The following SLIT3 variants were observed in gnomAD, a reference collection of about 807,000 sequenced individuals.
The protein encoded by SLIT3 is slit guidance ligand 3, also known as slit homolog 3 protein.
SLIT3 carries 68 observed loss-of-function variants against 184.0 expected under a neutral mutation model. The ratio of observed to expected loss-of-function variants is 0.37; its 90% CI spans 0.30 to 0.45. SLIT3 has a LOEUF of 0.45. Among genes scored for constraint, SLIT3 ranks in the 20% least tolerant of loss-of-function variants. The probability of loss-of-function intolerance (pLI) is 1.00; values close to 1 mark genes in which losing one functional copy is unlikely to be tolerated. For missense variants in SLIT3, 1,707 were observed against 2,026.0 expected (o/e 0.84, Z 3.02); for synonymous variants, 831 against 828.6 (o/e 1.00, Z -0.05).
chr5:168,746,613 GTGTAGTAT>G (rs1171963547), intron 20 of SLIT3, among the ~76,000 whole-genome samples: 1 of 116,588 alleles, frequency 8.6e-6, no homozygotes, highest in Non-Finnish European at 1.8e-5. Context: ...TGGGTGTGGT[GTGTAGTAT>G]GGTGGTGTGG....
At chr5:168,840,237 G>T (rs905492099) in intron 6 of SLIT3, among the ~76,000 whole-genome samples, 3 of 152,174 alleles carry the variant, frequency 2.0e-5, no homozygotes, top group African/African-American at 7.2e-5. Flanking sequence ...TTTTCAGGAT[G>T]TGTTTCTGTT....
intron 22 of SLIT3, 105 bp downstream of exon 22, chr5:168,722,828 G>T: frequency 1.2e-6 from 1 of 859,658 alleles, no homozygotes; most frequent in Non-Finnish European, 2.0e-6. Flanking sequence ...ATAGGCCTGA[G>T]GGTCATTAGG....
chr5:168,755,430 T>TC (rs1754897100), intron 16 of SLIT3, among the ~76,000 whole-genome samples: 5 of 118,040 alleles, frequency 4.2e-5, no homozygotes, highest in Non-Finnish European at 9.5e-5. Context: ...TCTTTCTTTC[T>TC]TTCTTTCTTT....
intron 12 of SLIT3, among the ~76,000 whole-genome samples, chr5:168,775,530 C>T (rs1281904728): frequency 6.8e-6 from 1 of 147,542 alleles, no homozygotes; most frequent in Non-Finnish European, 1.5e-5. Context: ...TCTCTCACAC[C>T]CCCGTTTATT....
At chr5:169,023,687 C>G (rs1008493335) in intron 4 of SLIT3, 1 of 152,068 alleles carries the variant, frequency 6.6e-6, no homozygotes, top group African/African-American at 2.4e-5. Flanking sequence ...CTCCTAGGCT[C>G]CCCCACCTAC....
At chr5:169,137,137 C>G (rs960729162) in intron 4 of SLIT3, among the ~76,000 whole-genome samples, 3 of 152,070 alleles carry the variant, frequency 2.0e-5, no homozygotes, top group African/African-American at 7.2e-5. Flanking sequence ...GTGGAAGACT[C>G]CTTAGATTCA....
rs1765456248 is a variant in SLIT3 at position 169,242,999 on chromosome 5, C to A, written c.341+1706G>T. On this transcript the variant is annotated intron_variant, in intron 3 of 35. Coordinates refer to ENST00000519560, the MANE Select transcript of SLIT3 (RefSeq NM_003062.4). ...TATGAAAGAACATCATCTTTCATGT[C>A]AGACAGAAGTGGCTTTGAATCTTGG... Among the ~76,000 whole-genome samples the A allele has an allele frequency of 2.6e-5, 4 of 152,090 alleles. No homozygotes were observed. The South Asian group carries it at 8.3e-4, about 32-fold the overall frequency.
At chr5:169,160,324 C>T (rs4868327) in intron 4 of SLIT3, among the ~76,000 whole-genome samples, 3,854 of 152,318 alleles carry the variant, frequency 0.025, 216 homozygotes, top group East Asian at 0.23. Context: ...ACACATCTCA[C>T]CTGCCCAGTG....
At chr5:168,700,865 G>C (rs6886486) in intron 26 of SLIT3, among the ~76,000 whole-genome samples, 186 bp from the exon 27 acceptor site, 63,317 of 152,070 alleles carry the variant, frequency 0.42, 13,233 homozygotes, top group East Asian at 0.51. Flanking sequence ...CTAGTCACTG[G>C]ACAGTAAGAA....
intron 4 of SLIT3, among the ~76,000 whole-genome samples, chr5:168,942,126 CA>C (rs1179169933): frequency 6.6e-6 from 1 of 152,166 alleles, no homozygotes. Flanking sequence ...GTGACTTGTT[CA>C]GGGATGGGCA....
At chr5:169,293,370 C>A (rs1479576338) in intron 1 of SLIT3, among the ~76,000 whole-genome samples, 1 of 152,074 alleles carries the variant, frequency 6.6e-6, no homozygotes, top group Non-Finnish European at 1.5e-5. Context: ...CCACCTTCCC[C>A]TAAATCATGC....
chr5:168,970,531 AAAC>A (rs1754538089), intron 4 of SLIT3, among the ~76,000 whole-genome samples: 1 of 152,268 alleles, frequency 6.6e-6, no homozygotes, highest in East Asian at 1.9e-4. Flanking sequence ...ACAAAACAAA[AAAC>A]AAACAGCTCC....
At chr5:169,245,006 C>G (rs1346842943) in intron 2 of SLIT3, among the ~76,000 whole-genome samples, 1 of 152,202 alleles carries the variant, frequency 6.6e-6, no homozygotes, top group Non-Finnish European at 1.5e-5. Context: ...TTCCATGCCT[C>G]TATTTTAAGA....
intron 27 of SLIT3, among the ~76,000 whole-genome samples, chr5:168,698,362 G>A (rs757806639): frequency 2.0e-5 from 3 of 152,244 alleles, no homozygotes; most frequent in Non-Finnish European, 4.4e-5. Flanking sequence ...AATATAACAG[G>A]TGTCTCTAAA....
chr5:168,680,867 C>T (rs912762666), intron 32 of SLIT3, among the ~76,000 whole-genome samples: 4 of 152,186 alleles, frequency 2.6e-5, no homozygotes, highest in South Asian at 2.1e-4. Flanking sequence ...AATATTTGCT[C>T]CTGGTGGGCA....
chr5:169,180,520 C>A (rs1476484735), intron 4 of SLIT3, among the ~76,000 whole-genome samples: 1 of 152,158 alleles, frequency 6.6e-6, no homozygotes, highest in East Asian at 1.9e-4. Context: ...TGAAATCCAG[C>A]CAGAAGGACT....
chr5:169,243,989 C>T lies in SLIT3; in HGVS notation c.341+716G>A, dbSNP rs571676553. ...AACAGAAGAAAGGTGAAGTTGCCTA[C>T]TTAACCATCTGAGCAGCTCTCCTCA... On this transcript the variant is annotated intron_variant, in intron 3 of 35. Coordinates refer to ENST00000519560, the MANE Select transcript of SLIT3 (RefSeq NM_003062.4). 1.2e-4 allele frequency among the ~76,000 whole-genome samples: 18 copies of T among 152,372 alleles called. No homozygotes were observed. In the South Asian group the frequency reaches 2.7e-3, roughly 23 times the overall value.
intron 1 of SLIT3, among the ~76,000 whole-genome samples, chr5:169,260,802 A>G (rs938617451): frequency 3.3e-5 from 5 of 152,234 alleles, no homozygotes; most frequent in African/African-American, 1.2e-4. Context: ...ATATAGCTAT[A>G]AACAATAGTG....
chr5:169,256,712 C>G (rs1765972631), intron 1 of SLIT3, among the ~76,000 whole-genome samples: 1 of 152,172 alleles, frequency 6.6e-6, no homozygotes. Flanking sequence ...CTTTTGGTGG[C>G]AAGGCCTTTC....
Sources: gnomAD v4.1 joint callset for allele counts (sites outside exome capture counted in the v4.1 genomes callset) on GRCh38, gnomAD v4.1.1 for gene constraint, MANE v1.5 for transcripts, NCBI Gene and HGNC (gene_info 2026-07-23, HGNC 2026-07-21) for gene names.